Variants in HESX1 observed in about 807,000 individuals in gnomAD.
HESX1 encodes the protein homeobox expressed in ES cells 1.
Under a neutral mutation model 22.5 loss-of-function variants are expected in HESX1, and 11 were observed. That is an observed-to-expected ratio of 0.49 (90% CI 0.31 to 0.81). HESX1 has a LOEUF of 0.81. Ranked by LOEUF, HESX1 falls within the 30% of genes least tolerant of loss-of-function variation. HESX1 has a pLI of 0.05. For missense variants in HESX1, 201 were observed against 212.6 expected (o/e 0.95, Z 0.34); for synonymous variants, 74 against 76.5 (o/e 0.97, Z 0.17).
chr3:57,221,789 T>C (rs1291296796), intron 1 of HESX1, among the ~76,000 whole-genome samples: 1 of 151,958 alleles, frequency 6.6e-6, no homozygotes, highest in South Asian at 2.1e-4. Flanking sequence ...GTATTTTTAG[T>C]AGAGATGGGG....
chr3:57,213,757 T>G (rs1298375421), intron 1 of HESX1, among the ~76,000 whole-genome samples: 1 of 152,116 alleles, frequency 6.6e-6, no homozygotes, highest in Non-Finnish European at 1.5e-5. Flanking sequence ...AAACACTATC[T>G]CTACTAAAAA....
chr3:57,225,330 GTTTGT>G (rs954688284), intron 1 of HESX1, among the ~76,000 whole-genome samples: 8 of 152,228 alleles, frequency 5.3e-5, no homozygotes, highest in South Asian at 2.1e-4. Flanking sequence ...ACCTGTTTTT[GTTTGT>G]TTTATTTTTT....
intron 1 of HESX1, among the ~76,000 whole-genome samples, chr3:57,221,727 CT>C (rs1325230496): frequency 6.6e-6 from 1 of 152,182 alleles, no homozygotes; most frequent in Non-Finnish European, 1.5e-5. Context: ...CTGCCTCAGC[CT>C]CCCGAGCAGC....
chr3:57,198,207 A>G lies in HESX1; in HGVS notation c.548T>C (p.Leu183Pro). The G allele has an allele frequency of 1.3e-6, 2 of 1,597,192 alleles. No homozygotes were observed. The highest frequency in any genetic ancestry group is 1.7e-6 in the Non-Finnish European group (2 of 1,164,956). Residue 183 changes from leucine to proline, a missense_variant, in exon 4 of 4, where the codon CTG becomes CCG. By Grantham distance (98) the Leu-to-Pro change is moderately conservative. Transcript: ENST00000295934. ...TGTTTAGTTTTCTATCTATTCCAGCAGATTTGTGTTGAAATTTTTTTTCGC... is the reference window on the plus strand; with the variant it reads ...TGTTTAGTTTTCTATCTATTCCAGCGGATTTGTGTTGAAATTTTTTTTCGC... Reference protein sequence around the residue: ...LMAKKNFNTNLLE With the variant: ...LMAKKNFNTNPLE
intron 1 of HESX1, among the ~76,000 whole-genome samples, chr3:57,209,206 T>C (rs756291206): frequency 2.2e-4 from 33 of 152,194 alleles, no homozygotes; most frequent in Non-Finnish European, 4.0e-4. Flanking sequence ...GAATTTTAAA[T>C]GTAATTAAGT....
chr3:57,221,257 G>T (rs943313351), intron 1 of HESX1, among the ~76,000 whole-genome samples: 2 of 151,090 alleles, frequency 1.3e-5, no homozygotes, highest in Non-Finnish European at 2.9e-5. Flanking sequence ...CAGCTCAAGC[G>T]ATCCTCCCAC....
At chr3:57,227,565 G>A (rs1296808232), upstream of HESX1, among the ~76,000 whole-genome samples, 1 of 152,208 alleles carries the variant, frequency 6.6e-6, no homozygotes, top group East Asian at 1.9e-4. Flanking sequence ...GGCCATCCCA[G>A]GGCAGACACT....
At chr3:57,207,255 A>G (rs1182397552) in intron 1 of HESX1, among the ~76,000 whole-genome samples, 1 of 152,114 alleles carries the variant, frequency 6.6e-6, no homozygotes, top group African/African-American at 2.4e-5. Context: ...GGGCCACAAT[A>G]TAGTTTTTAG....
At chr3:57,225,881 C>CTT (rs540522007) in intron 1 of HESX1, among the ~76,000 whole-genome samples, 1,480 of 132,088 alleles carry the variant, frequency 0.011, 16 homozygotes, top group Middle Eastern at 0.032. Flanking sequence ...CTTTTCTTTT[C>CTT]TTTTTTTTTT....
chr3:57,199,860 G>A lies in HESX1; in HGVS notation c.59C>T (p.Ser20Phe). The change falls in exon 1 of 4, where the codon TCC becomes TTC. Residue 20 changes from serine (S) to phenylalanine (F), a missense_variant. Transcript: ENST00000295934. ...QLGENKPSTC[S>F]FSIERILGLD... ...TCCTAAGATTCTCTCAATTGAAAAG[G>A]AGCAAGTTGAGGGTTTGTTTTCCCC... 6.2e-7 allele frequency: 1 copy of A among 1,614,006 alleles called. No individual in the cohort carries two copies. The highest frequency in any genetic ancestry group is 1.1e-5 in the South Asian group (1 of 91,082).
At chr3:57,209,940 T>G (rs1171755589) in intron 1 of HESX1, among the ~76,000 whole-genome samples, 1 of 152,174 alleles carries the variant, frequency 6.6e-6, no homozygotes, top group Non-Finnish European at 1.5e-5. Context: ...AAAACAGAAA[T>G]TGAGAGTACA....
At chr3:57,201,985 C>G (rs1441132871), upstream of HESX1, among the ~76,000 whole-genome samples, 1 of 151,222 alleles carries the variant, frequency 6.6e-6, no homozygotes, top group Non-Finnish European at 1.5e-5. Flanking sequence ...GTGGTGTGAT[C>G]TCGGCTCACG....
chr3:57,198,122 T>G lies in HESX1; in HGVS notation c.*75A>C. Reference sequence around the variant, plus strand: ...TAAATGCAGGAAAGAAAACATCACATTTTAACACTTAATATTTCCACTGAT... The same window carrying G: ...TAAATGCAGGAAAGAAAACATCACAGTTTAACACTTAATATTTCCACTGAT... On this transcript the variant is annotated 3_prime_UTR_variant, in exon 4 of 4. Transcript: ENST00000295934. The G allele has an allele frequency of 1.1e-6, 1 of 948,566 alleles. No homozygotes were observed. Among genetic ancestry groups the G allele is most frequent in the Non-Finnish European group, 1.7e-6 (1 of 588,762 alleles). The allele number at this position is 948,566 out of a possible 1,614,324, so 58.8% of individuals were successfully genotyped here. A position where few individuals can be genotyped will look rare whatever the true frequency, so the allele number is the denominator to read the frequency against.
intron 1 of HESX1, among the ~76,000 whole-genome samples, chr3:57,205,300 TTTGGGAGGCTGAG>T (rs1278616080): frequency 2.0e-5 from 3 of 152,110 alleles, no homozygotes; most frequent in Non-Finnish European, 2.9e-5. Context: ...GTCCCAGCTA[TTTGGGAGGCTGAG>T]GTGGGAGGAT....
intron 1 of HESX1, 31 bp from the exon 2 acceptor site, chr3:57,198,983 A>G (rs749133794): frequency 1.2e-5 from 19 of 1,580,146 alleles, no homozygotes; most frequent in Non-Finnish European, 1.7e-5. Context: ...CCTGTCTTAG[A>G]TGGTCAATCT....
At chr3:57,217,482 C>T (rs1455691947) in intron 1 of HESX1, among the ~76,000 whole-genome samples, 1 of 152,078 alleles carries the variant, frequency 6.6e-6, no homozygotes, top group African/African-American at 2.4e-5. Context: ...CTTTCATTGC[C>T]ATCACCTCTT....
chr3:57,218,418 T>C (rs1264755199), intron 1 of HESX1, among the ~76,000 whole-genome samples: 1 of 151,772 alleles, frequency 6.6e-6, no homozygotes, highest in Non-Finnish European at 1.5e-5. Flanking sequence ...TATCCATGTT[T>C]GGAAAGGACA....
chr3:57,203,708 T>A (rs2060503345), upstream of HESX1, among the ~76,000 whole-genome samples: 1 of 152,000 alleles, frequency 6.6e-6, no homozygotes, highest in South Asian at 2.1e-4. Context: ...GTACATGTCA[T>A]CACACCTGGC....
At chr3:57,198,636 TCTA>T (rs1357866390) in intron 2 of HESX1, 114 bp downstream of exon 2, 28 of 1,057,868 alleles carry the variant, frequency 2.6e-5, no homozygotes, top group Non-Finnish European at 4.0e-5. Flanking sequence ...AATATGGTAG[TCTA>T]CTGTTTCATT....
Sources: gnomAD v4.1 joint callset for allele counts (sites outside exome capture counted in the v4.1 genomes callset) on GRCh38, gnomAD v4.1.1 for gene constraint, MANE v1.5 for transcripts, NCBI Gene and HGNC (gene_info 2026-07-23, HGNC 2026-07-21) for gene names.